The following CRMP1 variants were observed in gnomAD, a reference collection of about 807,000 sequenced individuals.
CRMP1 encodes the protein dihydropyrimidinase-related protein 1.
In CRMP1, 19 loss-of-function variants were observed where a neutral mutation model predicts 68.3. The ratio of observed to expected loss-of-function variants is 0.28; its 90% CI spans 0.19 to 0.41. The LOEUF is 0.41. CRMP1 is among the 10% of genes least tolerant of loss of function. CRMP1 has a pLI of 1.00. For missense variants in CRMP1, 791 were observed against 967.4 expected (o/e 0.82, Z 2.42); for synonymous variants, 439 against 399.6 (o/e 1.10, Z -1.18).
intron 3 of CRMP1, among the ~76,000 whole-genome samples, chr4:5,857,063 ACCC>A (rs1245726018): frequency 1.8e-3 from 218 of 122,798 alleles, no homozygotes; most frequent in African/African-American, 6.9e-3. Flanking sequence ...TATCATTATC[ACCC>A]CACCATCACC....
chr4:5,867,440 T>C (rs1560512597), intron 1 of CRMP1, among the ~76,000 whole-genome samples: 1 of 152,144 alleles, frequency 6.6e-6, no homozygotes, highest in Non-Finnish European at 1.5e-5. Context: ...ATGATCAACT[T>C]AGAGACATTT....
chr4:5,876,891 T>C (rs949265683), intron 1 of CRMP1, among the ~76,000 whole-genome samples: 7 of 152,300 alleles, frequency 4.6e-5, no homozygotes, highest in African/African-American at 1.4e-4. Flanking sequence ...ATTTATATTA[T>C]TAACAAACAT....
Position 5,887,433 on chromosome 4 carries a change from C to A in CRMP1, c.381+5156G>T, listed in dbSNP as rs958459877. 1.3e-5 allele frequency: 13 copies of A among 985,500 alleles called. No homozygotes were observed. The Admixed American group carries it at 2.5e-4, about 19-fold the overall frequency. 61.0% of individuals were successfully genotyped at this position (985,500 alleles called of 1,614,324 possible). On this transcript the variant is annotated intron_variant, in intron 1 of 13. Transcript: ENST00000324989. Reference sequence around the variant, plus strand: ...ATCCCTCAGGAACAGTCAGGCTCCACGCTGATGCCAGGCAGGAACTGGGGC... The same window carrying A: ...ATCCCTCAGGAACAGTCAGGCTCCAAGCTGATGCCAGGCAGGAACTGGGGC...
chr4:5,860,391 C>G lies in CRMP1; in HGVS notation c.655+635G>C, dbSNP rs1282603814. 2.6e-5 allele frequency among the ~76,000 whole-genome samples: 4 copies of G among 152,148 alleles called. No individual in the cohort carries two copies. Among genetic ancestry groups the G allele is most frequent in the Non-Finnish European group, 4.4e-5 (3 of 68,024 alleles). On this transcript the variant is annotated intron_variant, in intron 3 of 13. Coordinates refer to ENST00000324989, the MANE Select transcript of CRMP1 (RefSeq NM_001014809.3). This position sits in a 1 kb window ranked among gnomAD's most constrained non-coding sequence, Gnocchi z 4.2. ...AAAGCTAAGCACAGCCACTCCAGCC[C>G]CACTCCCACTCCTGCACACCCTCAA...
At chr4:5,882,165 C>T (rs890555044) in intron 1 of CRMP1, among the ~76,000 whole-genome samples, 2 of 152,178 alleles carry the variant, frequency 1.3e-5, no homozygotes, top group Non-Finnish European at 2.9e-5. Flanking sequence ...TCTCTCCCAC[C>T]GATTTAGAGC....
Position 5,841,391 on chromosome 4 carries a change from G to C in CRMP1, c.1070C>G (p.Ala357Gly), listed in dbSNP as rs750102720. The C allele has an allele frequency of 6.2e-7, 1 of 1,614,152 alleles. No individual in the cohort carries two copies. Residue 357 changes from alanine (A) to glycine (G), a missense_variant, in exon 8 of 14, where the codon GCG (alanine) becomes GGG (glycine). Around this residue, in one of 3 missense-constraint regions of CRMP1, gnomAD observed 594 missense variants for 763.6 expected, o/e 0.78. Transcript: ENST00000324989. This position sits in a 1 kb window ranked among gnomAD's most constrained non-coding sequence, Gnocchi z 6.9. Reference sequence around the variant, plus strand: ...GTACACAGGGCAGTTGATCCGGCCCGCAATGGTGATGGCCCGGAACACCGC... The same window carrying C: ...GTACACAGGGCAGTTGATCCGGCCCCCAATGGTGATGGCCCGGAACACCGC... ...AEAVFRAITI[A>G]GRINCPVYIT...
At chr4:5,840,091 A>G (rs1308312528) in intron 8 of CRMP1, among the ~76,000 whole-genome samples, 1 of 152,196 alleles carries the variant, frequency 6.6e-6, no homozygotes, top group African/African-American at 2.4e-5. Context: ...ATTCCAGGAA[A>G]CACTGGCTGG....
At chr4:5,830,781 A>T (rs1293478114) in intron 11 of CRMP1, among the ~76,000 whole-genome samples, 1 of 152,148 alleles carries the variant, frequency 6.6e-6, no homozygotes, top group Non-Finnish European at 1.5e-5. Context: ...GAACTATTTC[A>T]GCTACTCTCA....
Position 5,825,800 on chromosome 4 carries a change from C to CAT in CRMP1, c.1804-142_1804-141insAT, listed in dbSNP as rs1719482180. On this transcript the variant is annotated intron_variant, in intron 12 of 13. Transcript: ENST00000324989. The surrounding 1 kb of genome is among the most constrained non-coding windows in gnomAD (Gnocchi z 4.4). ...TGCACACACACACACAACACGCACA[C>CAT]ACGACAGGTGCACTTCACACACATG... 8 of 770,156 alleles carry CAT rather than the reference C, an allele frequency of 1.0e-5. No individual in the cohort carries two copies. Among genetic ancestry groups the CAT allele is most frequent in the Non-Finnish European group, 1.5e-5 (7 of 478,422 alleles). The allele number at this position is 770,156 out of a possible 1,614,324, so 47.7% of individuals were successfully genotyped here.
rs1190481296 is a variant in CRMP1 at position 5,855,286 on chromosome 4, A to G, written c.820+857T>C. Reference sequence around the variant, plus strand: ...AAATATTGGGGATGATACTGTTATTACGAGAAAACATAGCACAGCTATTTT... The same window carrying G: ...AAATATTGGGGATGATACTGTTATTGCGAGAAAACATAGCACAGCTATTTT... On this transcript the variant is annotated intron_variant, in intron 4 of 13. Coordinates refer to ENST00000324989, the MANE Select transcript of CRMP1 (RefSeq NM_001014809.3). The surrounding 1 kb of genome is among the most constrained non-coding windows in gnomAD (Gnocchi z 4.9). Among the ~76,000 whole-genome samples, 1 of 152,196 alleles carries G rather than the reference A, an allele frequency of 6.6e-6. No homozygotes were observed. Among genetic ancestry groups the G allele is most frequent in the Non-Finnish European group, 1.5e-5 (1 of 68,032 alleles).
At position 5,828,483 on chromosome 4, in the gene CRMP1, A is replaced by C; in HGVS notation, c.1803+6T>G. ...GGTGGGCCCGCTCCCCTGCAGACAC[A>C]CTCACCTTATTCCTGATTTTGACGC... On this transcript the variant is annotated splice_donor_region_variant and intron_variant, in intron 12 of 13. Coordinates refer to ENST00000324989, the MANE Select transcript of CRMP1 (RefSeq NM_001014809.3). The C allele has an allele frequency of 6.2e-7, 1 of 1,612,944 alleles. No individual in the cohort carries two copies. Among genetic ancestry groups the C allele is most frequent in the South Asian group, 1.1e-5 (1 of 91,004 alleles).
At chr4:5,874,755 G>C (rs1030003503) in intron 1 of CRMP1, among the ~76,000 whole-genome samples, 8 of 151,976 alleles carry the variant, frequency 5.3e-5, no homozygotes, top group Non-Finnish European at 1.0e-4. Context: ...GATGGAAGGA[G>C]GAGGAAAGAA....
intron 1 of CRMP1, among the ~76,000 whole-genome samples, chr4:5,878,707 G>A (rs980408410): frequency 3.3e-5 from 5 of 152,114 alleles, no homozygotes; most frequent in Admixed American, 1.3e-4. Context: ...ACATGGGTGA[G>A]TTCACCTCTC....
rs1715853650 is a variant in CRMP1 at position 5,889,744 on chromosome 4, G to A, written c.381+2845C>T. 1 of 1,535,492 alleles carries A rather than the reference G, an allele frequency of 6.5e-7. No individual in the cohort carries two copies. Among genetic ancestry groups the A allele is most frequent in the Non-Finnish European group, 8.7e-7 (1 of 1,146,482 alleles). On this transcript the variant is annotated intron_variant, in intron 1 of 13. Transcript: ENST00000324989. This position sits in a 1 kb window ranked among gnomAD's most constrained non-coding sequence, Gnocchi z 4.5. The stretch of plus-strand genomic sequence containing the variant: ...CCAGAGCGAGGGTGGCCTAGGCTTG[G>A]TACAGCTCCCCCAGCACTGTGGTTG...
At position 5,836,881 on chromosome 4, in the gene CRMP1, C is replaced by T. The variant is rs374326359; in HGVS notation, c.1336G>A (p.Gly446Ser). The T allele has an allele frequency of 7.4e-6, 12 of 1,612,888 alleles. No homozygotes were observed. Among genetic ancestry groups the T allele is most frequent in the South Asian group, 4.4e-5 (4 of 90,904 alleles). ...TGGGCAGTGCTGTAGGGACAGTGGC[C>T]GCTGCCTGTGACCTGCAAGTCCCCA... ...ACGDLQVTGSGHCPYSTAQKA... is the reference protein window; with the variant it reads ...ACGDLQVTGSSHCPYSTAQKA... The change falls in exon 10 of 14, where the codon GGC becomes AGC. Residue 446 changes from glycine to serine, a missense_variant. Around this residue, in one of 3 missense-constraint regions of CRMP1, gnomAD observed 594 missense variants for 763.6 expected, o/e 0.78. Transcript: ENST00000324989.
intron 5 of CRMP1, 97 bp from the exon 6 acceptor site, chr4:5,849,569 G>T: frequency 1.3e-6 from 1 of 757,502 alleles, no homozygotes; most frequent in Non-Finnish European, 2.2e-6. Context: ...CACCCATTCG[G>T]TCATTCACCT....
At chr4:5,829,637 T>C (rs1720210034) in intron 11 of CRMP1, among the ~76,000 whole-genome samples, 1 of 152,230 alleles carries the variant, frequency 6.6e-6, no homozygotes, top group Non-Finnish European at 1.5e-5. Context: ...GAGGCATGAA[T>C]AACTGTCTGA....
chr4:5,865,751 T>C lies in CRMP1; in HGVS notation c.470+917A>G, dbSNP rs991534780. 4.6e-5 allele frequency among the ~76,000 whole-genome samples: 7 copies of C among 151,994 alleles called. No homozygotes were observed. The highest frequency in any genetic ancestry group is 1.5e-4 in the African/African-American group (6 of 41,368). ...GGACTACCTTTAGCGACAGGGCCTTTAAGGAGGTGATTAAGGTTGTTAAGG... is the reference window on the plus strand; with the variant it reads ...GGACTACCTTTAGCGACAGGGCCTTCAAGGAGGTGATTAAGGTTGTTAAGG... On this transcript the variant is annotated intron_variant, in intron 2 of 13. Coordinates refer to ENST00000324989, the MANE Select transcript of CRMP1 (RefSeq NM_001014809.3). This position sits in a 1 kb window ranked among gnomAD's most constrained non-coding sequence, Gnocchi z 4.1.
At chr4:5,827,662 GCA>G (rs1460336060) in intron 12 of CRMP1, among the ~76,000 whole-genome samples, 2 of 151,508 alleles carry the variant, frequency 1.3e-5, no homozygotes, top group Non-Finnish European at 2.9e-5. Context: ...ATCCCCATAT[GCA>G]CACATACACA....
Sources: gnomAD v4.1 joint callset for allele counts (sites outside exome capture counted in the v4.1 genomes callset) on GRCh38, gnomAD v4.1.1 for gene constraint, gnomAD v4.1.1 regional missense constraint, Gnocchi (gnomAD v3.1) non-coding constraint, MANE v1.5 for transcripts, NCBI Gene and HGNC (gene_info 2026-07-23, HGNC 2026-07-21) for gene names.